The following SCML2 variants were observed in gnomAD, a reference collection of about 807,000 sequenced individuals.
SCML2 encodes sex comb on midleg-like protein 2.
In SCML2, 6 loss-of-function variants were observed where a neutral mutation model predicts 48.4. The observed-to-expected ratio is 0.12, with a 90% confidence interval of 0.07 to 0.24. SCML2 has a LOEUF of 0.24. Ranked by LOEUF, SCML2 falls within the 10% of genes least tolerant of loss-of-function variation. SCML2 has a pLI of 1.00. For missense variants in SCML2, 377 were observed against 528.2 expected (o/e 0.71, Z 2.81); for synonymous variants, 181 against 189.5 (o/e 0.95, Z 0.37).
intron 7 of SCML2, among the ~76,000 whole-genome samples, chrX:18,280,596 C>T (rs1283887947): frequency 9.0e-6 from 1 of 111,569 alleles, no homozygotes; most frequent in East Asian, 2.8e-4. Context: ...AAGACCTAAC[C>T]ATCTGTTGTC....
chrX:18,281,514 C>A (rs1927847642), intron 7 of SCML2, among the ~76,000 whole-genome samples: 1 of 110,554 alleles, frequency 9.0e-6, no homozygotes, highest in Admixed American at 9.6e-5. Context: ...GAGGTCGAGA[C>A]CAGCCTGGCC....
intron 6 of SCML2, 111 bp downstream of exon 6, chrX:18,320,221 T>C (rs1338999559): frequency 4.9e-5 from 22 of 450,933 alleles, no homozygotes; most frequent in Non-Finnish European, 6.9e-5. Context: ...CACTTGCCAA[T>C]CCAGTAATTT....
intron 7 of SCML2, among the ~76,000 whole-genome samples, chrX:18,289,732 A>G (rs773629385): frequency 8.9e-6 from 1 of 111,968 alleles, no homozygotes; most frequent in Non-Finnish European, 1.9e-5. Context: ...TACATGCATT[A>G]AAAGCTATAA....
intron 1 of SCML2, among the ~76,000 whole-genome samples, chrX:18,343,352 A>G (rs951393979): frequency 2.3e-4 from 24 of 106,045 alleles, no homozygotes; most frequent in Non-Finnish European, 3.5e-4. Flanking sequence ...TTCACTAGGG[A>G]AAAAAAAAAG....
chrX:18,247,686 C>T, intron 12 of SCML2, 83 bp downstream of exon 12: 1 of 718,658 alleles, frequency 1.4e-6, no homozygotes, highest in Non-Finnish European at 2.1e-6. Flanking sequence ...TCCCTACCTC[C>T]AATACTACCA....
In SCML2 at chrX:18,240,433, A is replaced by G. The variant is rs772886866; in HGVS notation, c.*818T>C. 90 of 112,351 alleles carry G rather than the reference A, an allele frequency of 8.0e-4. No individual in the cohort carries two copies. The highest frequency in any genetic ancestry group is 2.8e-3 in the African/African-American group (87 of 30,955). 9.3% of individuals were successfully genotyped at this position (112,351 alleles called of 1,213,427 possible). A position where few individuals can be genotyped will look rare whatever the true frequency, so the allele number is the denominator to read the frequency against. On this transcript the variant is annotated 3_prime_UTR_variant, in exon 15 of 15. Transcript: ENST00000251900. The stretch of plus-strand genomic sequence containing the variant: ...ATAGAGATGTAAGAAAAGAATGCCT[A>G]GTTAAATGTCCAAGCGTAGTGAAAA...
chrX:18,354,652 G>T lies in SCML2; in HGVS notation c.-85C>A, dbSNP rs1308714657. Reference sequence around the variant, plus strand: ...CCCACCGATCGCGCGAGCCGGCACCGAGCTTCACACCGCCGCCGCCATGTT... The same window carrying T: ...CCCACCGATCGCGCGAGCCGGCACCTAGCTTCACACCGCCGCCGCCATGTT... On this transcript the variant is annotated 5_prime_UTR_variant, in exon 1 of 15. Coordinates refer to ENST00000251900, the MANE Select transcript of SCML2 (RefSeq NM_006089.3). The T allele has an allele frequency of 7.0e-6, 2 of 287,528 alleles. No individual in the cohort carries two copies. Among genetic ancestry groups the T allele is most frequent in the Non-Finnish European group, 1.2e-5 (2 of 164,375 alleles). 23.7% of individuals were successfully genotyped at this position (287,528 alleles called of 1,213,427 possible). A position where few individuals can be genotyped will look rare whatever the true frequency, so the allele number is the denominator to read the frequency against.
At chrX:18,292,194 C>T (rs940980818) in intron 7 of SCML2, among the ~76,000 whole-genome samples, 13 of 110,935 alleles carry the variant, frequency 1.2e-4, no homozygotes, top group Non-Finnish European at 2.1e-4. Context: ...CCAAGGTTGG[C>T]CAGAGTAGGA....
At chrX:18,277,350 C>A (rs1378788046) in intron 7 of SCML2, among the ~76,000 whole-genome samples, 1 of 112,493 alleles carries the variant, frequency 8.9e-6, no homozygotes, top group African/African-American at 3.2e-5. Flanking sequence ...GGATTATAGG[C>A]ATGAGCCACC....
At position 18,317,829 on chromosome X, in the gene SCML2, G is replaced by A. The variant is rs1375592455; in HGVS notation, c.486+2503C>T. On this transcript the variant is annotated intron_variant, in intron 6 of 14. Coordinates refer to ENST00000251900, the MANE Select transcript of SCML2 (RefSeq NM_006089.3). ...AGCCTGGGCGACAGAGCGAGACTCC[G>A]TCTCAAAAAAAAAAAAAAAAAAAAG... Among the ~76,000 whole-genome samples the A allele has an allele frequency of 9.9e-5, 7 of 71,051 alleles. No homozygotes were observed. In the South Asian group the frequency reaches 3.9e-3, roughly 39 times the overall value. The allele number at this position is 71,051 out of a possible 115,157, so 61.7% of individuals were successfully genotyped here. A position where few individuals can be genotyped will look rare whatever the true frequency, so the allele number is the denominator to read the frequency against.
chrX:18,340,718 G>A (rs1255812636), intron 1 of SCML2, among the ~76,000 whole-genome samples: 1 of 107,525 alleles, frequency 9.3e-6, no homozygotes, highest in Non-Finnish European at 1.9e-5. Flanking sequence ...GCTGAGGCAG[G>A]AGAATTGCTT....
chrX:18,345,904 C>A (rs1368042552), intron 1 of SCML2, among the ~76,000 whole-genome samples: 1 of 106,644 alleles, frequency 9.4e-6, no homozygotes. Context: ...AGGCATGTGC[C>A]AACAAGCTCA....
rs781177117 is a variant in SCML2, at chrX:18,250,890, C to T, written c.1457-3008G>A. Among the ~76,000 whole-genome samples, 111 of 110,102 alleles carry T rather than the reference C, an allele frequency of 1.0e-3. 1 individual carries two copies. Among genetic ancestry groups the T allele is most frequent in the African/African-American group, 3.4e-3 (103 of 30,236 alleles). On this transcript the variant is annotated intron_variant, in intron 11 of 14. Transcript: ENST00000251900. ...GGCTGGGGAGGACTCACAATCATGG[C>T]AGAAGGCAAAGGAGGAGCAAAGGCA...
chrX:18,272,013 C>A (rs1299422275), intron 7 of SCML2, among the ~76,000 whole-genome samples: 6 of 110,555 alleles, frequency 5.4e-5, no homozygotes, highest in African/African-American at 2.0e-4. Context: ...GAGCTTCCTT[C>A]ATTTGCTCCT....
intron 2 of SCML2, among the ~76,000 whole-genome samples, chrX:18,332,288 CCAGT>C (rs1054621962): frequency 3.6e-5 from 4 of 112,254 alleles, no homozygotes; most frequent in Middle Eastern, 4.2e-3. Flanking sequence ...CCACAGATGA[CCAGT>C]AAGTTTTATT....
chrX:18,283,053 A>G (rs1927922294), intron 7 of SCML2, among the ~76,000 whole-genome samples: 1 of 111,723 alleles, frequency 9.0e-6, no homozygotes. Context: ...ATCCTCAACA[A>G]AATACTAGCA....
chrX:18,335,316 C>A (rs1187760760), intron 1 of SCML2, among the ~76,000 whole-genome samples: 1 of 110,868 alleles, frequency 9.0e-6, no homozygotes, highest in African/African-American at 3.3e-5. Context: ...CCAGCCTGGG[C>A]AACATGGTGA....
At chrX:18,329,155 TATG>T (rs1479779657) in intron 3 of SCML2, among the ~76,000 whole-genome samples, 1 of 112,071 alleles carries the variant, frequency 8.9e-6, no homozygotes, top group Non-Finnish European at 1.9e-5. Context: ...AGGTGAATTA[TATG>T]ATATTTGAAT....
rs182130668 is a variant in SCML2, at chrX:18,328,565, G to A, written c.91+2022C>T. Among the ~76,000 whole-genome samples, 5 of 111,412 alleles carry A rather than the reference G, an allele frequency of 4.5e-5. No homozygotes were observed. The East Asian group carries it at 1.1e-3, about 25-fold the overall frequency. On this transcript the variant is annotated intron_variant, in intron 3 of 14. Transcript: ENST00000251900. ...TGCACGCCTGTGGTCCCACATACTC[G>A]GGAGGCTGAAGTGAGAGGATCACTT...
Sources: gnomAD v4.1 joint callset for allele counts (sites outside exome capture counted in the v4.1 genomes callset) on GRCh38, gnomAD v4.1.1 for gene constraint, MANE v1.5 for transcripts, NCBI Gene and HGNC (gene_info 2026-07-23, HGNC 2026-07-21) for gene names.